PMS1: variants seen among roughly 807,000 people sequenced by gnomAD.
PMS1 encodes PMS1 protein homolog 1.
In PMS1, 79 loss-of-function variants were observed where a neutral mutation model predicts 93.1. The observed-to-expected ratio is 0.85, with a 90% CI of 0.71 to 1.02. The LOEUF is 1.02. Ranked by LOEUF, PMS1 falls within the 50% of genes least tolerant of loss-of-function variation. PMS1 has a pLI of 0.00. For synonymous variants in PMS1, 335 were observed against 363.4 expected, an observed-to-expected ratio of 0.92 and a Z score of 0.89; for missense variants, 1,064 against 1,085.3, an observed-to-expected ratio of 0.98 and a Z score of 0.28.
intron 3 of PMS1, among the ~76,000 whole-genome samples, chr2:189,800,276 G>A (rs978697012): frequency 6.6e-6 from 1 of 152,038 alleles, no homozygotes; most frequent in African/African-American, 2.4e-5. Context: ...CTCTTTACTA[G>A]CATGATTAGA....
In PMS1 at chr2:189,835,585, G is replaced by C. The variant is rs535149774; in HGVS notation, c.583-8379G>C. On this transcript the variant is annotated intron_variant, in intron 5 of 12. Transcript: ENST00000441310. ...GCAGGAGTAAATAATAATAGATATA[G>C]ATCTATTTATAGTAACTTGTAAGAT... is the stretch of plus-strand genomic sequence containing the variant. Among the ~76,000 whole-genome samples the C allele has an allele frequency of 2.5e-4, 38 of 152,152 alleles. No individual in the cohort carries two copies. The Middle Eastern group carries it at 0.01, about 41-fold the overall frequency.
intron 5 of PMS1, 147 bp from the exon 6 acceptor site, chr2:189,843,817 C>T (rs964335167): frequency 1.4e-6 from 1 of 700,336 alleles, no homozygotes; most frequent in Non-Finnish European, 2.5e-6. Flanking sequence ...TTTCTTCTGT[C>T]AGACCTCATA....
chr2:189,855,216 C>A, intron 9 of PMS1, 88 bp downstream of exon 9: 1 of 1,109,370 alleles, frequency 9.0e-7, no homozygotes, highest in Non-Finnish European at 1.3e-6. Flanking sequence ...TTTTTCACTT[C>A]TTATTTATGG....
chr2:189,859,087 CCCAAGTTTAAAACTTTCTTAAAAAGTAA>C (rs1371885132), intron 9 of PMS1, among the ~76,000 whole-genome samples: 5 of 152,074 alleles, frequency 3.3e-5, no homozygotes, highest in Non-Finnish European at 7.4e-5. Context: ...ATTCTCTAGT[CCCAAGTTTAAAACTTTCTTAAAAAGTAA>C]TCTTTTAGCA....
intron 10 of PMS1, among the ~76,000 whole-genome samples, chr2:189,865,390 AC>A (rs2056563942): frequency 6.6e-6 from 1 of 152,070 alleles, no homozygotes; most frequent in African/African-American, 2.4e-5. Flanking sequence ...GGTTAATTAA[AC>A]ATGGAGGGCT....
In PMS1 at chr2:189,795,932, C is replaced by A; in HGVS notation, c.296C>A (p.Ser99Ter). The change falls in exon 3 of 13, where the codon TCA (serine) becomes TAA (stop). Residue 99 changes from serine (S) to a stop codon, truncating the protein, a stop_gained. Coordinates refer to ENST00000441310, the MANE Select transcript of PMS1 (RefSeq NM_000534.5). LOFTEE classifies it high-confidence loss of function. ...GGTTTTCGTGGAGAAGCCTTGGGGT[C>A]AATTTGTTGTATAGCTGAGGTAAGG... The part of the protein sequence containing the change: ...TYGFRGEALG[S>*]ICCIAEVLIT... The A allele has an allele frequency of 6.2e-7, 1 of 1,609,978 alleles. No homozygotes were observed. The highest frequency in any genetic ancestry group is 8.5e-7 in the Non-Finnish European group (1 of 1,176,380).
Position 189,808,389 on chromosome 2 carries a change from G to A in PMS1, c.418+2635G>A, listed in dbSNP as rs79052555. Among the ~76,000 whole-genome samples, 200 of 152,154 alleles carry A rather than the reference G, an allele frequency of 1.3e-3. 8 individuals are homozygous for A. The South Asian group carries it at 0.039, about 29-fold the overall frequency. On this transcript the variant is annotated intron_variant, in intron 4 of 12. Transcript: ENST00000441310. ...GTCGCCCAGGCTGGAGTGCAGTGGC[G>A]TGATCTCAGCTCAGTGCAGCCTCCA... is the stretch of plus-strand genomic sequence containing the variant.
chr2:189,846,219 A>G (rs1396615075), intron 6 of PMS1, among the ~76,000 whole-genome samples: 1 of 151,840 alleles, frequency 6.6e-6, no homozygotes, highest in Non-Finnish European at 1.5e-5. Flanking sequence ...AAAAATAAAA[A>G]TGCAAAAATT....
At chr2:189,823,921 C>G (rs951053378) in intron 5 of PMS1, among the ~76,000 whole-genome samples, 1 of 152,018 alleles carries the variant, frequency 6.6e-6, no homozygotes, top group Non-Finnish European at 1.5e-5. Flanking sequence ...TTGTTGATCC[C>G]AATACAGGCA....
intron 4 of PMS1, among the ~76,000 whole-genome samples, chr2:189,815,705 C>G (rs1454031891): frequency 6.6e-6 from 1 of 152,124 alleles, no homozygotes; most frequent in Non-Finnish European, 1.5e-5. Flanking sequence ...AAGGAACGGA[C>G]TAATACAGTT....
At chr2:189,831,931 A>G (rs2052976768) in intron 5 of PMS1, among the ~76,000 whole-genome samples, 1 of 152,102 alleles carries the variant, frequency 6.6e-6, no homozygotes, top group South Asian at 2.1e-4. Context: ...GGGTTTCACC[A>G]TGTTGGCCAG....
intron 11 of PMS1, among the ~76,000 whole-genome samples, chr2:189,871,688 C>T (rs1317856498): frequency 2.0e-5 from 3 of 152,224 alleles, no homozygotes; most frequent in African/African-American, 7.2e-5. Context: ...GCTCCAAAAC[C>T]ACTTCTACAT....
Position 189,867,266 on chromosome 2 carries a change from GT to G in PMS1, c.2343-528del, listed in dbSNP as rs892722902. On this transcript the variant is annotated intron_variant, in intron 10 of 12. Coordinates refer to ENST00000441310, the MANE Select transcript of PMS1 (RefSeq NM_000534.5). ...CCTAGGTGATCTTTGGCTTCCTCAA[GT>G]TTTTGCACCACTCAGAATCATTTCA... Among the ~76,000 whole-genome samples the G allele has an allele frequency of 1.1e-4, 16 of 152,156 alleles. 1 individual carries two copies. The highest frequency in any genetic ancestry group is 5.9e-5 in the Non-Finnish European group (4 of 68,028).
intron 9 of PMS1, among the ~76,000 whole-genome samples, chr2:189,857,937 C>G (rs1428877815): frequency 2.0e-5 from 3 of 151,948 alleles, no homozygotes; most frequent in Non-Finnish European, 2.9e-5. Flanking sequence ...GGCCCAGAAG[C>G]TAGAAGGAAC....
intron 3 of PMS1, among the ~76,000 whole-genome samples, chr2:189,802,079 C>G (rs1318467271): frequency 6.6e-6 from 1 of 152,170 alleles, no homozygotes; most frequent in Non-Finnish European, 1.5e-5. Flanking sequence ...ATGTCATCCT[C>G]TGCATAACAT....
intron 3 of PMS1, among the ~76,000 whole-genome samples, chr2:189,798,764 T>G (rs1488022288): frequency 1.3e-5 from 2 of 151,540 alleles, no homozygotes; most frequent in African/African-American, 4.8e-5. Context: ...TTGATTTTTT[T>G]TTTTTTTTTT....
At chr2:189,805,021 T>C (rs1460949350) in intron 3 of PMS1, among the ~76,000 whole-genome samples, 1 of 152,192 alleles carries the variant, frequency 6.6e-6, no homozygotes, top group Admixed American at 6.5e-5. Flanking sequence ...AAAATTTGTG[T>C]TTCTATGACT....
At chr2:189,876,406 A>T (rs1207916729) in intron 12 of PMS1, among the ~76,000 whole-genome samples, 2 of 152,208 alleles carry the variant, frequency 1.3e-5, no homozygotes, top group Admixed American at 6.5e-5. Flanking sequence ...AACGATGCTC[A>T]GTAGAATTTG....
At chr2:189,872,926 G>C (rs532475757) in intron 11 of PMS1, among the ~76,000 whole-genome samples, 3 of 152,160 alleles carry the variant, frequency 2.0e-5, no homozygotes, top group Non-Finnish European at 1.5e-5. Context: ...GAGCCACTAT[G>C]CCCAGCCATT....
Sources: gnomAD v4.1 joint callset for allele counts (sites outside exome capture counted in the v4.1 genomes callset) on GRCh38, gnomAD v4.1.1 for gene constraint, MANE v1.5 for transcripts, NCBI Gene and HGNC (gene_info 2026-07-23, HGNC 2026-07-21) for gene names.